The following CYFIP2 variants were observed in gnomAD, a reference collection of about 807,000 sequenced individuals.
CYFIP2 encodes cytoplasmic FMR1-interacting protein 2.
CYFIP2 carries 29 observed loss-of-function variants against 158.7 expected under a neutral mutation model. That is an observed-to-expected ratio of 0.18 (90% CI 0.14 to 0.25). CYFIP2 has a LOEUF of 0.25. Ranked by LOEUF, CYFIP2 falls within the 10% of genes least tolerant of loss-of-function variation. The pLI, the probability that CYFIP2 is intolerant of heterozygous loss-of-function variation, is 1.00. For synonymous variants in CYFIP2, 585 were observed against 617.6 expected (o/e 0.95, Z 0.78); for missense variants, 852 against 1,639.5 (o/e 0.52, Z 8.29).
intron 4 of CYFIP2, among the ~76,000 whole-genome samples, chr5:157,295,805 C>T (rs889827): frequency 0.68 from 103,821 of 152,134 alleles, 37,271 homozygotes; most frequent in Admixed American, 0.82. Flanking sequence ...AAGAATGTCC[C>T]TGTGCTTACC....
At chr5:157,389,652 C>T (rs1196940285) in intron 29 of CYFIP2, 7 of 488,014 alleles carry the variant, frequency 1.4e-5, no homozygotes, top group Non-Finnish European at 2.6e-5. Context: ...CACTGTACTA[C>T]TGGAAAATGA....
chr5:157,339,835 G>T (rs1456750880), intron 22 of CYFIP2, among the ~76,000 whole-genome samples: 1 of 152,220 alleles, frequency 6.6e-6, no homozygotes, highest in Non-Finnish European at 1.5e-5. Context: ...GTTTCTAAGG[G>T]TTTCTCCAAG....
At chr5:157,272,688 G>T (rs559677658) in intron 1 of CYFIP2, among the ~76,000 whole-genome samples, 1 of 151,950 alleles carries the variant, frequency 6.6e-6, no homozygotes, top group African/African-American at 2.4e-5. Flanking sequence ...CCCTGCCCCC[G>T]TCTCTCAAGA....
Position 157,306,145 on chromosome 5 carries a change from C to G in CYFIP2, c.796-1616C>G, listed in dbSNP as rs566418155. 3.2e-4 allele frequency among the ~76,000 whole-genome samples: 48 copies of G among 152,302 alleles called. No individual in the cohort carries two copies. The Middle Eastern group carries it at 0.014, about 43-fold the overall frequency. ...GTTCTGGTGGTTTTTCCTTTCTTCT[C>G]CTTCAGTGTCTCTCCTGCTATTCTG... On this transcript the variant is annotated intron_variant, in intron 8 of 30. Transcript: ENST00000620254.
In CYFIP2 at chr5:157,392,973, C is replaced by T; in HGVS notation, c.3735C>T (p.Ile1245=). The stretch of plus-strand genomic sequence containing the variant: ...ATGTGCGCTGCTTCCAGCCACCCAT[C>T]CACCAGTCCTTGGCCACCACTTGCT... ...VEHVRCFQPP[I]HQSLATTC Residue 1245 remains isoleucine, a synonymous_variant, in exon 31 of 31, where the codon ATC becomes ATT. Transcript: ENST00000620254. The T allele has an allele frequency of 6.2e-7, 1 of 1,613,906 alleles. No homozygotes were observed.
Position 157,368,802 on chromosome 5 carries a change from G to A in CYFIP2, c.3039+7204G>A, listed in dbSNP as rs370267125. Among the ~76,000 whole-genome samples, 8 of 151,962 alleles carry A rather than the reference G, an allele frequency of 5.3e-5. No homozygotes were observed. In the East Asian group the frequency reaches 1.4e-3, roughly 26 times the overall value. On this transcript the variant is annotated intron_variant, in intron 26 of 30. Transcript: ENST00000620254. ...CTCCAGGGCATATCCCATCCATGAT[G>A]GCACTGTTCACCACCCACCTGCCGG...
Position 157,311,105 on chromosome 5 carries a change from G to C in CYFIP2, c.993-559G>C. On this transcript the variant is annotated intron_variant, in intron 10 of 30. Transcript: ENST00000620254. The surrounding 1 kb of genome is among the most constrained non-coding windows in gnomAD (Gnocchi z 4.7). ...GAGAGAAGGGGGCGAGAGGTAGAGGGGGTGGGTGGAGGGAGGGGCCACCCC... is the reference window on the plus strand; with the variant it reads ...GAGAGAAGGGGGCGAGAGGTAGAGGCGGTGGGTGGAGGGAGGGGCCACCCC... The C allele has an allele frequency of 2.2e-6, 1 of 447,036 alleles. No homozygotes were observed. The highest frequency in any genetic ancestry group is 1.6e-5 in the South Asian group (1 of 64,212). 27.7% of individuals were successfully genotyped at this position (447,036 alleles called of 1,614,324 possible).
intron 8 of CYFIP2, 58 bp downstream of exon 8, chr5:157,304,424 T>G: frequency 6.5e-7 from 1 of 1,535,874 alleles, no homozygotes; most frequent in South Asian, 1.2e-5. Flanking sequence ...CACCTTCTTC[T>G]TATTAAAAAT....
intron 20 of CYFIP2, among the ~76,000 whole-genome samples, chr5:157,332,494 C>T (rs965578853): frequency 6.6e-6 from 1 of 152,194 alleles, no homozygotes; most frequent in African/African-American, 2.4e-5. Flanking sequence ...AGGACGTTGT[C>T]TTATAAAAAC....
At chr5:157,275,483 CATTA>C (rs1231432124) in intron 1 of CYFIP2, among the ~76,000 whole-genome samples, 10 of 152,278 alleles carry the variant, frequency 6.6e-5, no homozygotes, top group African/African-American at 2.2e-4. Context: ...AGTTCAATTC[CATTA>C]ATTTAATCAT....
At chr5:157,390,474 T>G (rs1767172719) in intron 29 of CYFIP2, 47 bp from the exon 30 acceptor site, 3 of 544,926 alleles carry the variant, frequency 5.5e-6, no homozygotes, top group African/African-American at 2.0e-5. Flanking sequence ...CTCCCTGCCC[T>G]CCTCCCCCGA....
At chr5:157,310,330 G>A (rs1043494367) in intron 10 of CYFIP2, among the ~76,000 whole-genome samples, 1 of 152,284 alleles carries the variant, frequency 6.6e-6, no homozygotes, top group African/African-American at 2.4e-5. Context: ...ACTGAAGTTG[G>A]GGGGCTCCAA....
At chr5:157,333,184 G>A in intron 20 of CYFIP2, 143 bp from the exon 21 acceptor site, 1 of 1,001,406 alleles carries the variant, frequency 1.0e-6, no homozygotes, top group Non-Finnish European at 1.5e-6. Context: ...GGACAGGCTG[G>A]TTGGAGTTTC....
At chr5:157,350,282 C>T (rs192742846) in intron 23 of CYFIP2, among the ~76,000 whole-genome samples, 8 of 152,276 alleles carry the variant, frequency 5.3e-5, no homozygotes, top group Admixed American at 4.6e-4. Flanking sequence ...TTTGATCCAT[C>T]TTGAGTTGAA....
At chr5:157,350,156 G>A (rs1343285565) in intron 23 of CYFIP2, among the ~76,000 whole-genome samples, 1 of 152,154 alleles carries the variant, frequency 6.6e-6, no homozygotes, top group Non-Finnish European at 1.5e-5. Flanking sequence ...CTTTGTTTTT[G>A]TTGCATTTGC....
chr5:157,300,576 A>T, intron 5 of CYFIP2, 139 bp from the exon 6 acceptor site: 2 of 645,982 alleles, frequency 3.1e-6, no homozygotes, highest in Non-Finnish European at 4.5e-6. Context: ...CTTCGGATTT[A>T]AGGACTCCTC....
chr5:157,307,797 G>A lies in CYFIP2; in HGVS notation c.832G>A (p.Val278Ile), dbSNP rs1292812959. The A allele has an allele frequency of 6.2e-7, 1 of 1,611,838 alleles. No individual in the cohort carries two copies. The highest frequency in any genetic ancestry group is 1.7e-5 in the Admixed American group (1 of 59,810). ...TGGCCTCTACCTAATGGATGGAAATGTCAGTAACATTTACAAACTGGATGC... is the reference window on the plus strand; with the variant it reads ...TGGCCTCTACCTAATGGATGGAAATATCAGTAACATTTACAAACTGGATGC... ...GFGLYLMDGNVSNIYKLDAKK... is the reference protein window; with the variant it reads ...GFGLYLMDGNISNIYKLDAKK... Residue 278 changes from valine to isoleucine, a missense_variant, in exon 9 of 31, where the codon GTC becomes ATC. This residue lies in a region of CYFIP2 where 133 missense variants were observed against 197.1 expected (regional missense o/e 0.67). Transcript: ENST00000620254.
At chr5:157,306,794 A>G (rs1759264003) in intron 8 of CYFIP2, among the ~76,000 whole-genome samples, 1 of 151,698 alleles carries the variant, frequency 6.6e-6, no homozygotes, top group Non-Finnish European at 1.5e-5. Context: ...AGGTGAGAGA[A>G]TCGCTTGAGC....
intron 1 of CYFIP2, among the ~76,000 whole-genome samples, chr5:157,270,072 G>A (rs1755958960): frequency 6.6e-6 from 1 of 152,216 alleles, no homozygotes; most frequent in Non-Finnish European, 1.5e-5. Flanking sequence ...CTGGTTGCGT[G>A]GCATTTTGAT....
Sources: gnomAD v4.1 joint callset for allele counts (sites outside exome capture counted in the v4.1 genomes callset) on GRCh38, gnomAD v4.1.1 for gene constraint, gnomAD v4.1.1 regional missense constraint, Gnocchi (gnomAD v3.1) non-coding constraint, MANE v1.5 for transcripts, NCBI Gene and HGNC (gene_info 2026-07-23, HGNC 2026-07-21) for gene names.